CMC1: variants seen among roughly 807,000 people sequenced by gnomAD.
CMC1 encodes the protein COX assembly mitochondrial protein homolog.
CMC1 carries 14 observed loss-of-function variants against 14.1 expected under a neutral mutation model. The ratio of observed to expected loss-of-function variants is 0.99; its 90% confidence interval spans 0.66 to 1.55. The LOEUF is 1.55. CMC1 is among the 40% of genes most tolerant of loss of function. CMC1 has a pLI of 0.00. For synonymous variants in CMC1, 50 were observed against 38.4 expected (o/e 1.30, Z -1.12); for missense variants, 127 against 123.8 (o/e 1.03, Z -0.12).
chr3:28,316,584 A>G, intron 3 of CMC1, 161 bp downstream of exon 3: 1 of 403,940 alleles, frequency 2.5e-6, no homozygotes, highest in East Asian at 3.7e-5. Flanking sequence ...AAAATGCAAC[A>G]TATTTATGAA....
At chr3:28,256,842 A>T (rs1200792097) in intron 1 of CMC1, among the ~76,000 whole-genome samples, 1 of 152,214 alleles carries the variant, frequency 6.6e-6, no homozygotes, top group Admixed American at 6.5e-5. Context: ...AAAAAAGAGG[A>T]TGCAAAACTG....
At chr3:28,293,323 GA>G (rs1701578391) in intron 2 of CMC1, among the ~76,000 whole-genome samples, 1 of 136,706 alleles carries the variant, frequency 7.3e-6, no homozygotes, top group Non-Finnish European at 1.6e-5. Flanking sequence ...TTTTTTTTTC[GA>G]GTGGCTGGGG....
intron 2 of CMC1, among the ~76,000 whole-genome samples, chr3:28,291,364 T>C (rs1577058541): frequency 6.6e-6 from 1 of 152,066 alleles, no homozygotes; most frequent in Admixed American, 6.6e-5. Flanking sequence ...TGCATTAACC[T>C]TTTTTTCCCC....
At chr3:28,311,334 A>C (rs889441144) in intron 2 of CMC1, among the ~76,000 whole-genome samples, 2 of 152,142 alleles carry the variant, frequency 1.3e-5, no homozygotes, top group African/African-American at 4.8e-5. Flanking sequence ...CCAAAAGCCA[A>C]ACTACTTAGG....
intron 2 of CMC1, among the ~76,000 whole-genome samples, chr3:28,276,234 C>T (rs553875514): frequency 1.2e-4 from 19 of 152,116 alleles, no homozygotes; most frequent in Non-Finnish European, 2.6e-4. Context: ...TCTAGTCAGC[C>T]ATCTTGGCCC....
intron 2 of CMC1, among the ~76,000 whole-genome samples, chr3:28,309,355 A>C (rs374708254): frequency 6.6e-6 from 1 of 151,978 alleles, no homozygotes; most frequent in Non-Finnish European, 1.5e-5. Flanking sequence ...TTCATATGCT[A>C]TTCCTTTTTG....
At chr3:28,251,791 T>C (rs189949768) in intron 1 of CMC1, among the ~76,000 whole-genome samples, 2 of 152,184 alleles carry the variant, frequency 1.3e-5, no homozygotes, top group African/African-American at 4.8e-5. Flanking sequence ...ATTCATAGGA[T>C]TGAGAATATT....
chr3:28,309,140 TAA>T (rs917868854), intron 2 of CMC1, among the ~76,000 whole-genome samples: 2 of 152,288 alleles, frequency 1.3e-5, no homozygotes, highest in Admixed American at 1.3e-4. Flanking sequence ...CTCCTAGCGT[TAA>T]GTGTTAGGAT....
At chr3:28,311,130 G>T (rs1171092859) in intron 2 of CMC1, among the ~76,000 whole-genome samples, 1 of 151,920 alleles carries the variant, frequency 6.6e-6, no homozygotes, top group East Asian at 1.9e-4. Flanking sequence ...TGAACTAATG[G>T]TTTTATGGAT....
intron 2 of CMC1, among the ~76,000 whole-genome samples, chr3:28,269,721 A>T (rs374338280): frequency 1.4e-4 from 22 of 152,204 alleles, no homozygotes; most frequent in East Asian, 7.8e-4. Flanking sequence ...GCACGCCATG[A>T]CGCCTCGCTA....
chr3:28,252,761 A>T (rs1375444046), intron 1 of CMC1, among the ~76,000 whole-genome samples: 1 of 152,138 alleles, frequency 6.6e-6, no homozygotes, highest in African/African-American at 2.4e-5. Context: ...GGGTTACATG[A>T]TCTTGGCATT....
chr3:28,245,581 CCTT>C (rs1489605212), intron 1 of CMC1, among the ~76,000 whole-genome samples: 1 of 152,052 alleles, frequency 6.6e-6, no homozygotes, highest in Non-Finnish European at 1.5e-5. Context: ...GTCCCTGTGT[CCTT>C]CTATTGCTGT....
intron 2 of CMC1, among the ~76,000 whole-genome samples, chr3:28,283,576 G>T (rs914421697): frequency 3.4e-5 from 5 of 147,064 alleles, no homozygotes; most frequent in African/African-American, 1.3e-4. Context: ...AAGAAAAGAA[G>T]AAAGAAACCA....
chr3:28,245,103 C>T (rs376565543), intron 1 of CMC1, among the ~76,000 whole-genome samples: 14 of 152,028 alleles, frequency 9.2e-5, no homozygotes, highest in African/African-American at 3.1e-4. Flanking sequence ...GTTCATTTAG[C>T]AAAATCTGTT....
At chr3:28,271,124 G>A (rs1700263887) in intron 2 of CMC1, among the ~76,000 whole-genome samples, 1 of 149,988 alleles carries the variant, frequency 6.7e-6, no homozygotes, top group African/African-American at 2.5e-5. Context: ...TTTTTGAGAT[G>A]GAGTCTCACT....
At chr3:28,301,423 A>G (rs1243686951) in intron 2 of CMC1, among the ~76,000 whole-genome samples, 1 of 152,008 alleles carries the variant, frequency 6.6e-6, no homozygotes, top group African/African-American at 2.4e-5. Flanking sequence ...GCCTCACTAT[A>G]TTCCTGAGGC....
chr3:28,316,896 T>C (rs1177706167), intron 3 of CMC1: 2 of 152,160 alleles, frequency 1.3e-5, no homozygotes, highest in Non-Finnish European at 2.9e-5. Flanking sequence ...AAATTTACTT[T>C]TAAAATAATT....
intron 1 of CMC1, among the ~76,000 whole-genome samples, chr3:28,247,610 A>G (rs1291824065): frequency 6.6e-6 from 1 of 152,254 alleles, no homozygotes; most frequent in Non-Finnish European, 1.5e-5. Flanking sequence ...TCTCTGCTGC[A>G]GGAGGGATAC....
intron 2 of CMC1, chr3:28,292,691 T>C (rs773384760): frequency 6.6e-6 from 1 of 152,210 alleles, no homozygotes; most frequent in Non-Finnish European, 1.5e-5. Flanking sequence ...GTATACATTA[T>C]GGTTTTTAAA....
Sources: gnomAD v4.1 joint callset for allele counts (sites outside exome capture counted in the v4.1 genomes callset) on GRCh38, gnomAD v4.1.1 for gene constraint, MANE v1.5 for transcripts, NCBI Gene and HGNC (gene_info 2026-07-23, HGNC 2026-07-21) for gene names.